Variants in CHD1 observed in about 807,000 individuals in gnomAD.
The protein encoded by CHD1 is chromodomain helicase DNA binding protein 1, also known as ATP-dependent chromatin remodeler CHD1.
In CHD1, 36 loss-of-function variants were observed where a neutral mutation model predicts 224.2. That is an observed-to-expected ratio of 0.16 (90% CI 0.12 to 0.21). CHD1 has a LOEUF of 0.21. Among genes scored for constraint, CHD1 ranks in the 10% least tolerant of loss-of-function variants. The pLI is 1.00. For synonymous variants in CHD1, 668 were observed against 658.3 expected (o/e 1.01, Z -0.23); for missense variants, 1,378 against 1,994.8 (o/e 0.69, Z 5.89).
Position 98,900,943 on chromosome 5 carries a change from T to C in CHD1, c.727A>G (p.Lys243Glu). The C allele has an allele frequency of 5.6e-6, 9 of 1,614,102 alleles. No individual in the cohort carries two copies. The highest frequency in any genetic ancestry group is 7.6e-6 in the Non-Finnish European group (9 of 1,180,004). ...TCTGTTTTCATTTCTTCATCCTCCTTATAGCTAACATTAACAGTTGCTTGG... is the reference window on the plus strand; with the variant it reads ...TCTGTTTTCATTTCTTCATCCTCCTCATAGCTAACATTAACAGTTGCTTGG... ...RRQATVNVSY[K>E]EDEEMKTDSD... The change falls in exon 7 of 36, where the codon AAG (lysine) becomes GAG (glutamate). Residue 243 changes from lysine (K) to glutamate (E), a missense_variant. Coordinates refer to ENST00000614616, the MANE Select transcript of CHD1 (RefSeq NM_001270.4).
Position 98,873,784 on chromosome 5 carries a change from T to C in CHD1, c.3441-61A>G, listed in dbSNP as rs966611316. Reference sequence around the variant, plus strand: ...TTAAATGAAGTGGTGCCATTTAAGATTAAGTTTCACTCTATTTCAAGATCT... The same window carrying C: ...TTAAATGAAGTGGTGCCATTTAAGACTAAGTTTCACTCTATTTCAAGATCT... On this transcript the variant is annotated intron_variant, in intron 25 of 35. Coordinates refer to ENST00000614616, the MANE Select transcript of CHD1 (RefSeq NM_001270.4). The C allele has an allele frequency of 2.7e-6, 4 of 1,490,906 alleles. No individual in the cohort carries two copies. In the African/African-American group the frequency reaches 5.6e-5, roughly 21 times the overall value. The allele number at this position is 1,490,906 out of a possible 1,614,324, so 92.4% of individuals were successfully genotyped here.
chr5:98,879,220 C>G (rs1749988034), intron 23 of CHD1, among the ~76,000 whole-genome samples: 1 of 151,868 alleles, frequency 6.6e-6, no homozygotes, highest in Non-Finnish European at 1.5e-5. Flanking sequence ...GGCAATAGAG[C>G]AAGATGCTGT....
intron 17 of CHD1, 106 bp downstream of exon 17, chr5:98,887,982 G>C: frequency 1.5e-6 from 1 of 655,856 alleles, no homozygotes; most frequent in Non-Finnish European, 2.3e-6. Context: ...AAAAAGTACA[G>C]TTTATATAAA....
intron 19 of CHD1, 143 bp downstream of exon 19, chr5:98,882,945 C>A: frequency 2.1e-6 from 1 of 469,674 alleles, no homozygotes. Context: ...TTTGGTAAAC[C>A]AAGCTCCTCA....
chr5:98,899,521 T>G lies in CHD1; in HGVS notation c.1044A>C (p.Lys348Asn). The G allele has an allele frequency of 6.2e-7, 1 of 1,613,408 alleles. No individual in the cohort carries two copies. The highest frequency in any genetic ancestry group is 8.5e-7 in the Non-Finnish European group (1 of 1,179,660). Residue 348 changes from lysine to asparagine, a missense_variant, in exon 8 of 36, where the codon AAA (lysine) becomes AAC (asparagine). Lys to Asn is a moderately conservative substitution (Grantham distance 94). This residue lies in a region of CHD1 where 15 missense variants were observed against 16.2 expected (regional missense o/e 0.93). Transcript: ENST00000614616. The part of the protein sequence containing the change: ...LKQQNVRGMK[K>N]LDNYKKKDQE... ...GATCTTTTTTCTTATAATTATCCAA[T>G]TTTTTCATTCCTCTAACATTCTGCT...
intron 18 of CHD1, among the ~76,000 whole-genome samples, chr5:98,884,121 T>C (rs1750455206): frequency 6.7e-6 from 1 of 149,740 alleles, no homozygotes; most frequent in Admixed American, 6.6e-5. Context: ...TCACCCAGGC[T>C]GGAGTGCAGT....
At chr5:98,906,517 G>C (rs775517816) in intron 2 of CHD1, among the ~76,000 whole-genome samples, 2 of 152,018 alleles carry the variant, frequency 1.3e-5, no homozygotes. Flanking sequence ...ACTTTATTGA[G>C]AACTATCATG....
At chr5:98,925,243 T>A (rs1048905330) in intron 2 of CHD1, among the ~76,000 whole-genome samples, 1 of 152,142 alleles carries the variant, frequency 6.6e-6, no homozygotes, top group African/African-American at 2.4e-5. Context: ...AGCATCTCAA[T>A]CCTCAAATTT....
At chr5:98,879,502 A>C in intron 23 of CHD1, 50 bp downstream of exon 23, 1 of 1,512,642 alleles carries the variant, frequency 6.6e-7, no homozygotes, top group Non-Finnish European at 8.8e-7. Flanking sequence ...AAATCAGCCC[A>C]GGTTGAATAC....
intron 31 of CHD1, 22 bp downstream of exon 31, chr5:98,868,473 A>C: frequency 1.3e-6 from 2 of 1,586,390 alleles, no homozygotes; most frequent in Non-Finnish European, 8.5e-7. Context: ...TAATACTAAT[A>C]ATCAGAAAGT....
At chr5:98,910,103 T>A (rs939761418) in intron 2 of CHD1, among the ~76,000 whole-genome samples, 4 of 152,182 alleles carry the variant, frequency 2.6e-5, no homozygotes, top group African/African-American at 9.7e-5. Flanking sequence ...TTATTTAGGA[T>A]GTTTCAATGG....
At chr5:98,868,703 T>C (rs1749092073) in intron 30 of CHD1, 68 bp from the exon 31 acceptor site, 1 of 1,344,474 alleles carries the variant, frequency 7.4e-7, no homozygotes, top group Non-Finnish European at 1.0e-6. Context: ...TGACTAACAC[T>C]TCCAGAAAAT....
At position 98,884,316 on chromosome 5, in the gene CHD1, C is replaced by T. The variant is rs577169059; in HGVS notation, c.2569-1079G>A. Among the ~76,000 whole-genome samples, 4 of 152,132 alleles carry T rather than the reference C, an allele frequency of 2.6e-5. No homozygotes were observed. The South Asian group carries it at 6.2e-4, about 24-fold the overall frequency. On this transcript the variant is annotated intron_variant, in intron 18 of 35. Transcript: ENST00000614616. ...GTCTCGATCTCCTGACCTCATGATCCGCCCGTCTCAGCCTCCCAAAGTGCT... is the reference window on the plus strand; with the variant it reads ...GTCTCGATCTCCTGACCTCATGATCTGCCCGTCTCAGCCTCCCAAAGTGCT...
chr5:98,893,525 T>G lies in CHD1; in HGVS notation c.1882A>C (p.Lys628Gln). Residue 628 changes from lysine to glutamine, a missense_variant, in exon 14 of 36, where the codon AAA becomes CAA. Physicochemically the swap from Lys to Gln is moderately conservative, Grantham distance 53 (BLOSUM62 1). Coordinates refer to ENST00000614616, the MANE Select transcript of CHD1 (RefSeq NM_001270.4). ...TTGGATTTAAAATCTATTAAAGTTT[T>G]ATACAGAAGGGAGTCATCATTCTTT... ...RLKNDDSLLY[K>Q]TLIDFKSNHR... 6.2e-7 allele frequency: 1 copy of G among 1,611,674 alleles called. No homozygotes were observed. Among genetic ancestry groups the G allele is most frequent in the Non-Finnish European group, 8.5e-7 (1 of 1,178,546 alleles).
At chr5:98,865,786 G>T in intron 31 of CHD1, among the ~76,000 whole-genome samples, 1 of 152,214 alleles carries the variant, frequency 6.6e-6, no homozygotes, top group East Asian at 1.9e-4. Flanking sequence ...AGGCCAGAAA[G>T]TCTGGCTACA....
intron 2 of CHD1, among the ~76,000 whole-genome samples, chr5:98,916,344 G>A (rs112271415): frequency 2.2e-3 from 332 of 151,676 alleles, no homozygotes; most frequent in African/African-American, 7.1e-3. Context: ...TCAGGAGTTC[G>A]AGACCAGCCT....
At chr5:98,889,011 G>A (rs748508255) in intron 16 of CHD1, 65 bp downstream of exon 16, 5 of 1,149,294 alleles carry the variant, frequency 4.4e-6, no homozygotes, top group East Asian at 2.4e-5. Context: ...AGCCATTTTC[G>A]ATTGTAAGTG....
At chr5:98,861,110 C>T (rs937724250) in intron 32 of CHD1, among the ~76,000 whole-genome samples, 1 of 152,130 alleles carries the variant, frequency 6.6e-6, no homozygotes, top group Non-Finnish European at 1.5e-5. Flanking sequence ...CTGAGGCAAG[C>T]GTCAGCACTT....
At chr5:98,882,707 T>C (rs535275287) in intron 19 of CHD1, among the ~76,000 whole-genome samples, 2 of 152,320 alleles carry the variant, frequency 1.3e-5, no homozygotes, top group South Asian at 4.1e-4. Flanking sequence ...CGTTTACATG[T>C]GGAGAATCTT....
Sources: gnomAD v4.1 joint callset for allele counts (sites outside exome capture counted in the v4.1 genomes callset) on GRCh38, gnomAD v4.1.1 for gene constraint, gnomAD v4.1.1 regional missense constraint, MANE v1.5 for transcripts, NCBI Gene and HGNC (gene_info 2026-07-23, HGNC 2026-07-21) for gene names.